HEATR5A: variants seen among roughly 807,000 people sequenced by gnomAD.
HEATR5A encodes HEAT repeat containing 5A, also known as HEAT repeat-containing protein 5A.
In HEATR5A, 178 loss-of-function variants were observed where a neutral mutation model predicts 218.8. That is an observed-to-expected ratio of 0.81 (90% CI 0.72 to 0.92). HEATR5A has a LOEUF of 0.92. Ranked by LOEUF, HEATR5A falls within the 40% of genes least tolerant of loss-of-function variation. The probability of loss-of-function intolerance (pLI) is 0.00; values close to 1 mark genes in which losing one functional copy is unlikely to be tolerated. For missense variants in HEATR5A, 2,420 were observed against 2,418.9 expected, an observed-to-expected ratio of 1.00 and a Z score of -0.01; for synonymous variants, 864 against 871.6, an observed-to-expected ratio of 0.99 and a Z score of 0.15.
chr14:31,358,374 T>C (rs536826503), intron 16 of HEATR5A, among the ~76,000 whole-genome samples: 7 of 152,314 alleles, frequency 4.6e-5, no homozygotes, highest in South Asian at 2.1e-4. Flanking sequence ...TAAATCAGTA[T>C]CTTATGTCAT....
intron 18 of HEATR5A, among the ~76,000 whole-genome samples, chr14:31,349,162 G>A (rs1901121310): frequency 6.6e-6 from 1 of 152,244 alleles, no homozygotes; most frequent in East Asian, 1.9e-4. Flanking sequence ...GGCTGAGGCG[G>A]GCGGAACACA....
At chr14:31,383,822 A>G (rs1404060276) in intron 9 of HEATR5A, 51 bp from the exon 10 acceptor site, 8 of 1,478,084 alleles carry the variant, frequency 5.4e-6, no homozygotes, top group Non-Finnish European at 7.3e-6. Flanking sequence ...AACTCACCTG[A>G]CCATAAAATA....
chr14:31,393,804 A>G (rs1040790096), intron 6 of HEATR5A, among the ~76,000 whole-genome samples: 1 of 152,024 alleles, frequency 6.6e-6, no homozygotes, highest in African/African-American at 2.4e-5. Context: ...GTGTGCCATC[A>G]CACCAAGCTA....
chr14:31,297,473 C>T (rs1297936475), intron 33 of HEATR5A: 1 of 149,878 alleles, frequency 6.7e-6, no homozygotes, highest in East Asian at 1.9e-4. Flanking sequence ...ACAGCAAGTC[C>T]CTGTCTCTTT....
rs779119951 is a variant in HEATR5A, at chr14:31,326,256, T to C, written c.3454A>G (p.Lys1152Glu). 4.3e-6 allele frequency: 7 copies of C among 1,613,158 alleles called. No homozygotes were observed. The highest frequency in any genetic ancestry group is 5.9e-6 in the Non-Finnish European group (7 of 1,179,338). Residue 1152 changes from lysine (K) to glutamate (E), a missense_variant, in exon 23 of 36, where the codon AAA becomes GAA. By Grantham distance (56) the Lys-to-Glu change is moderately conservative (BLOSUM62 1). Transcript: ENST00000543095. ...ETDERLCHDI[K>E]ETLNYMLTSM... ...GTAAGCATATAATTTAAAGTCTCTT[T>C]GATATCATGGCATAATCTCTCATCT... is the stretch of plus-strand genomic sequence containing the variant.
rs138226506 is a variant in HEATR5A at position 31,403,007 on chromosome 14, T to TTC, written c.-34_-33dup. 0.011 allele frequency: 16,151 copies of TTC among 1,526,038 alleles called. 101 individuals are homozygous for TTC. The highest frequency in any genetic ancestry group is 0.013 in the Non-Finnish European group (15,065 of 1,140,694). 94.5% of individuals were successfully genotyped at this position (1,526,038 alleles called of 1,614,324 possible). A position where few individuals can be genotyped will look rare whatever the true frequency, so the allele number is the denominator to read the frequency against. On this transcript the variant is annotated 5_prime_UTR_variant, in exon 2 of 36. Coordinates refer to ENST00000543095, the MANE Select transcript of HEATR5A (RefSeq NM_015473.4). ...CAGCAATCCTCCCAGCTGATCACAGTTCTTCTCGTTAAACTTTGGTCAATA... is the reference window on the plus strand; with the variant it reads ...CAGCAATCCTCCCAGCTGATCACAGTTCTCTTCTCGTTAAACTTTGGTCAATA...
At chr14:31,418,467 G>A (rs754884553) in intron 1 of HEATR5A, among the ~76,000 whole-genome samples, 2 of 152,182 alleles carry the variant, frequency 1.3e-5, no homozygotes, top group Non-Finnish European at 2.9e-5. Context: ...ACTGCCAGCA[G>A]AGCAGATTTG....
chr14:31,387,458 A>G (rs2030275237), intron 7 of HEATR5A, 83 bp from the exon 8 acceptor site: 2 of 1,010,054 alleles, frequency 2.0e-6, no homozygotes, highest in East Asian at 2.6e-5. Context: ...GCATTTATTA[A>G]TATTTTTCTT....
chr14:31,405,082 G>C (rs754945702), intron 1 of HEATR5A, among the ~76,000 whole-genome samples: 18 of 110,776 alleles, frequency 1.6e-4, no homozygotes, highest in Non-Finnish European at 2.8e-4. Flanking sequence ...AAAAAAAGAC[G>C]AAAGAGAAAG....
chr14:31,340,324 T>C (rs1900800024), intron 21 of HEATR5A: 1 of 450,782 alleles, frequency 2.2e-6, no homozygotes, highest in African/African-American at 2.1e-5. Flanking sequence ...CATACTGGAC[T>C]TAGCATTAAT....
At chr14:31,402,166 A>G (rs2030902372) in intron 2 of HEATR5A, among the ~76,000 whole-genome samples, 1 of 152,206 alleles carries the variant, frequency 6.6e-6, no homozygotes, top group African/African-American at 2.4e-5. Flanking sequence ...TCATAAATAA[A>G]ATGTCTTCTG....
At chr14:31,321,150 C>T (rs1342444972) in intron 25 of HEATR5A, among the ~76,000 whole-genome samples, 2 of 151,674 alleles carry the variant, frequency 1.3e-5, no homozygotes, top group African/African-American at 2.4e-5. Flanking sequence ...CTTTCCCATC[C>T]TCAGACAGTT....
At chr14:31,325,186 T>C (rs1242888526) in intron 23 of HEATR5A, among the ~76,000 whole-genome samples, 1 of 152,198 alleles carries the variant, frequency 6.6e-6, no homozygotes, top group Non-Finnish European at 1.5e-5. Flanking sequence ...TTAAATCAGA[T>C]AAATTATATA....
chr14:31,313,650 T>C (rs1195097348), intron 27 of HEATR5A, among the ~76,000 whole-genome samples: 1 of 152,208 alleles, frequency 6.6e-6, no homozygotes, highest in Non-Finnish European at 1.5e-5. Context: ...ACACAGTGTA[T>C]AACATGCACT....
chr14:31,302,390 A>G lies in HEATR5A; in HGVS notation c.5369T>C (p.Leu1790Ser), dbSNP rs1433022052. Residue 1790 changes from leucine to serine, a missense_variant, in exon 33 of 36, where the codon TTA becomes TCA. Leu to Ser is a moderately radical substitution (Grantham distance 145, BLOSUM62 -2). Coordinates refer to ENST00000543095, the MANE Select transcript of HEATR5A (RefSeq NM_015473.4). ...AASLQALKGILSSPMARAEKS... is the reference protein window; with the variant it reads ...AASLQALKGISSSPMARAEKS... ...TTCTGCCCGGGCCATGGGAGAAGAT[A>G]ATATTCCTTTTAGAGCCTGTAGGGA... The G allele has an allele frequency of 6.2e-7, 1 of 1,602,998 alleles. No individual in the cohort carries two copies. The highest frequency in any genetic ancestry group is 8.5e-7 in the Non-Finnish European group (1 of 1,174,520).
intron 2 of HEATR5A, among the ~76,000 whole-genome samples, chr14:31,401,282 G>T (rs1010200854): frequency 2.0e-5 from 3 of 152,086 alleles, no homozygotes; most frequent in Non-Finnish European, 4.4e-5. Context: ...TGCTGTTCTT[G>T]TGACAGTGAG....
At chr14:31,326,467 C>T (rs1346700733) in intron 22 of HEATR5A, 125 bp from the exon 23 acceptor site, 2 of 699,754 alleles carry the variant, frequency 2.9e-6, no homozygotes, top group Non-Finnish European at 4.7e-6. Context: ...AGCCCAAATA[C>T]TGTGCTTTAA....
Position 31,323,681 on chromosome 14 carries a change from GC to G in HEATR5A, c.3670del (p.Ala1224LeufsTer13). On this transcript the variant is annotated frameshift_variant, in exon 24 of 36. Coordinates refer to ENST00000543095, the MANE Select transcript of HEATR5A (RefSeq NM_015473.4). LOFTEE classifies it high-confidence loss of function. ...KSHPFTNPRWATRVFAAECVC... is the reference protein window; with the variant it reads ...KSHPFTNPRWXTRVFAAECVC... The stretch of plus-strand genomic sequence containing the variant: ...ACATTCAGCAGCAAAGACTCTAGTA[GC>G]CCATCGGGGATTGGTAAAAGGATGG... 6.2e-7 allele frequency: 1 copy of G among 1,613,664 alleles called. No homozygotes were observed. Among genetic ancestry groups the G allele is most frequent in the Non-Finnish European group, 8.5e-7 (1 of 1,179,738 alleles).
Position 31,305,082 on chromosome 14 carries a change from T to C in HEATR5A, c.5062A>G (p.Thr1688Ala). Residue 1688 changes from threonine to alanine, a missense_variant, in exon 32 of 36, where the codon ACA becomes GCA. Thr to Ala is a moderately conservative substitution (Grantham distance 58). Transcript: ENST00000543095. ...LVPGKSLVFA[T>A]LELCVCILVR... ...AGAATGCATACACACAATTCCAGTG[T>C]TGCAAAGACCAAAGACTTTCCAGGC... 6.2e-7 allele frequency: 1 copy of C among 1,613,990 alleles called. No individual in the cohort carries two copies. The highest frequency in any genetic ancestry group is 8.5e-7 in the Non-Finnish European group (1 of 1,179,864).
Sources: allele counts gnomAD v4.1 joint callset (sites outside exome capture counted in the v4.1 genomes callset), GRCh38; gene constraint gnomAD v4.1.1; transcripts MANE v1.5; gene names NCBI Gene and HGNC (gene_info 2026-07-23, HGNC 2026-07-21).